The following HGD variants were observed in gnomAD, a reference collection of about 807,000 sequenced individuals.
HGD encodes homogentisate oxidase.
In HGD, 61 loss-of-function variants were observed where a neutral mutation model predicts 60.8. The ratio of observed to expected loss-of-function variants is 1.00; its 90% CI spans 0.82 to 1.24. The LOEUF is 1.24. Among genes scored for constraint, HGD ranks in the 50% most tolerant of loss-of-function variants. The pLI is 0.00. For synonymous variants in HGD, 212 were observed against 187.7 expected, an observed-to-expected ratio of 1.13 and a Z score of -1.06; for missense variants, 542 against 547.1, an observed-to-expected ratio of 0.99 and a Z score of 0.09.
chr3:120,680,532 TA>T (rs1576323241), intron 1 of HGD, among the ~76,000 whole-genome samples: 1 of 152,250 alleles, frequency 6.6e-6, no homozygotes, highest in East Asian at 1.9e-4. Context: ...AAAATTTATT[TA>T]TAAATGGTAA....
chr3:120,661,965 T>C (rs1027719056), intron 4 of HGD, among the ~76,000 whole-genome samples: 30 of 152,186 alleles, frequency 2.0e-4, no homozygotes, highest in African/African-American at 7.2e-4. Flanking sequence ...CTCTGAGAAA[T>C]ATTGAAAGGG....
intron 9 of HGD, among the ~76,000 whole-genome samples, chr3:120,644,796 T>C (rs1941109987): frequency 6.6e-6 from 1 of 152,196 alleles, no homozygotes; most frequent in Non-Finnish European, 1.5e-5. Context: ...GAACTTTTTC[T>C]TTTGAAGGAA....
chr3:120,674,550 T>TAAAACAAAACAAAACAAAACAAAAC (rs75770716), intron 3 of HGD: 17 of 283,064 alleles, frequency 6.0e-5, no homozygotes, highest in Admixed American at 2.6e-4. Context: ...TTAGTCATTA[T>TAAAACAAAACAAAACAAAACAAAAC]AAAACAAAAC....
chr3:120,681,987 G>C (rs1708237845), intron 1 of HGD, 110 bp downstream of exon 1: 1 of 994,942 alleles, frequency 1.0e-6, no homozygotes, highest in Non-Finnish European at 1.6e-6. Flanking sequence ...ACAGGGGTTT[G>C]AACCAGGGCC....
chr3:120,659,690 G>A (rs1427096109), intron 4 of HGD, among the ~76,000 whole-genome samples: 1 of 152,070 alleles, frequency 6.6e-6, no homozygotes, highest in Non-Finnish European at 1.5e-5. Context: ...ACATTTTCAG[G>A]TTATCTTTAT....
chr3:120,663,621 A>G (rs1185427558), intron 4 of HGD, among the ~76,000 whole-genome samples: 1 of 152,170 alleles, frequency 6.6e-6, no homozygotes, highest in African/African-American at 2.4e-5. Context: ...GAATCATGCA[A>G]TGTCATGGAA....
rs768308376 is a variant in HGD, at chr3:120,670,537, A to G, written c.177-5T>C. On this transcript the variant is annotated splice_polypyrimidine_tract_variant and splice_region_variant and intron_variant, in intron 3 of 13. Coordinates refer to ENST00000283871, the MANE Select transcript of HGD (RefSeq NM_000187.4). ...GGTAGAATCCTATACAGCCAGCTAG[A>G]GGGAAAAACATACAAGATATACAAG... 14 of 1,493,542 alleles carry G rather than the reference A, an allele frequency of 9.4e-6. No homozygotes were observed. The highest frequency in any genetic ancestry group is 3.4e-4 in the Middle Eastern group (2 of 5,872). 92.5% of individuals were successfully genotyped at this position (1,493,542 alleles called of 1,614,324 possible). A position where few individuals can be genotyped will look rare whatever the true frequency, so the allele number is the denominator to read the frequency against.
Position 120,638,435 on chromosome 3 carries a change from T to G in HGD, c.1006+20A>C. The G allele has an allele frequency of 6.2e-7, 1 of 1,613,598 alleles. No homozygotes were observed. The highest frequency in any genetic ancestry group is 8.5e-7 in the Non-Finnish European group (1 of 1,179,716). ...TGTCTCTTTGGCTTGCAAATGTGGC[T>G]TGGTAAAAGAGAGACTTACTATGGT... On this transcript the variant is annotated intron_variant, in intron 12 of 13. Transcript: ENST00000283871.
intron 4 of HGD, among the ~76,000 whole-genome samples, chr3:120,669,772 A>T (rs1430442079): frequency 6.6e-6 from 1 of 152,184 alleles, no homozygotes; most frequent in African/African-American, 2.4e-5. Flanking sequence ...CTCAGAACCT[A>T]TCCTGGCTCA....
intron 3 of HGD, among the ~76,000 whole-genome samples, chr3:120,674,382 C>G (rs140628565): frequency 6.6e-6 from 1 of 152,066 alleles, no homozygotes; most frequent in African/African-American, 2.4e-5. Flanking sequence ...CTAGCAAAGG[C>G]GAATACCAGA....
At chr3:120,649,166 G>A (rs1313198712) in intron 6 of HGD, among the ~76,000 whole-genome samples, 17 of 117,286 alleles carry the variant, frequency 1.4e-4, no homozygotes, top group Admixed American at 1.0e-4. Context: ...TTTTTGAGAT[G>A]GAGTCTCACA....
chr3:120,665,892 G>T (rs1345645417), intron 4 of HGD, among the ~76,000 whole-genome samples: 1 of 152,204 alleles, frequency 6.6e-6, no homozygotes, highest in Non-Finnish European at 1.5e-5. Context: ...AGCTGGGAAG[G>T]ACTGTCAGAG....
chr3:120,682,237 A>C lies in HGD; in HGVS notation c.-126T>G, dbSNP rs547327873. ...GGTTCCCACTGCTTCACTGCGCTTC[A>C]CTGGTCAGTGCGTCACTCAAACTAG... On this transcript the variant is annotated 5_prime_UTR_variant, in exon 1 of 14. Coordinates refer to ENST00000283871, the MANE Select transcript of HGD (RefSeq NM_000187.4). The C allele has an allele frequency of 1.1e-6, 1 of 901,456 alleles. No homozygotes were observed. Among genetic ancestry groups the C allele is most frequent in the East Asian group, 2.4e-5 (1 of 41,610 alleles). 55.8% of individuals were successfully genotyped at this position (901,456 alleles called of 1,614,324 possible). A position where few individuals can be genotyped will look rare whatever the true frequency, so the allele number is the denominator to read the frequency against.
chr3:120,646,375 GA>G lies in HGD; in HGVS notation c.550-10del, dbSNP rs780593266. ...CTGAACCGCATTCCTCTCTGGAATG[GA>G]AAGCAGACACTGGTGTGCCCTCTGA... On this transcript the variant is annotated splice_polypyrimidine_tract_variant and intron_variant, in intron 8 of 13. Transcript: ENST00000283871. 5 of 1,554,612 alleles carry G rather than the reference GA, an allele frequency of 3.2e-6. No homozygotes were observed. The South Asian group carries it at 4.4e-5, about 14-fold the overall frequency.
At chr3:120,682,052 T>G in intron 1 of HGD, 45 bp downstream of exon 1, 1 of 1,593,442 alleles carries the variant, frequency 6.3e-7, no homozygotes, top group Non-Finnish European at 8.6e-7. Context: ...CTTCCATAAA[T>G]TTTGGCTGAA....
intron 11 of HGD, among the ~76,000 whole-genome samples, chr3:120,640,809 G>A (rs147593991): frequency 6.6e-6 from 1 of 152,210 alleles, no homozygotes; most frequent in East Asian, 1.9e-4. Context: ...GGAGAGGTAG[G>A]TTTGTCCCCC....
At chr3:120,645,985 T>TA (rs1215509757) in intron 9 of HGD, among the ~76,000 whole-genome samples, 2 of 152,214 alleles carry the variant, frequency 1.3e-5, no homozygotes, top group Non-Finnish European at 1.5e-5. Context: ...CAAACTTCTA[T>TA]ATTCTTTCCT....
intron 10 of HGD, among the ~76,000 whole-genome samples, chr3:120,642,877 C>A (rs899233089): frequency 6.6e-6 from 1 of 152,166 alleles, no homozygotes; most frequent in Non-Finnish European, 1.5e-5. Context: ...ATACAGTCAA[C>A]CTTCCAGGGC....
At chr3:120,667,319 CTT>C in intron 4 of HGD, among the ~76,000 whole-genome samples, 1 of 86,336 alleles carries the variant, frequency 1.2e-5, no homozygotes, top group African/African-American at 5.1e-5. Context: ...GGGTGAGACT[CTT>C]GTCTCAAAAA....
Sources: allele counts gnomAD v4.1 joint callset (sites outside exome capture counted in the v4.1 genomes callset), GRCh38; gene constraint gnomAD v4.1.1; transcripts MANE v1.5; gene names NCBI Gene and HGNC (gene_info 2026-07-23, HGNC 2026-07-21).